Variants in NDUFAF2 observed in about 807,000 individuals in gnomAD.
NDUFAF2 encodes NADH dehydrogenase [ubiquinone] 1 alpha subcomplex assembly factor 2.
A neutral mutation model predicts 22.8 loss-of-function variants in NDUFAF2; 13 were observed. The observed-to-expected ratio is 0.57, with a 90% CI of 0.37 to 0.91. The LOEUF (loss-of-function observed/expected upper bound fraction) is 0.91. Ranked by LOEUF, NDUFAF2 falls within the 40% of genes least tolerant of loss-of-function variation. The pLI is 0.01. For missense variants in NDUFAF2, 162 were observed against 195.2 expected, an observed-to-expected ratio of 0.83 and a Z score of 1.01; for synonymous variants, 53 against 64.2, an observed-to-expected ratio of 0.83 and a Z score of 0.84.
At chr5:60,963,919 T>C (rs940992501) in intron 1 of NDUFAF2, among the ~76,000 whole-genome samples, 2 of 152,178 alleles carry the variant, frequency 1.3e-5, no homozygotes, top group African/African-American at 4.8e-5. Context: ...TAAGTGAATA[T>C]CTGGAGTAAG....
intron 1 of NDUFAF2, among the ~76,000 whole-genome samples, chr5:61,001,423 A>G (rs1414067053): frequency 6.6e-6 from 1 of 152,128 alleles, no homozygotes; most frequent in Non-Finnish European, 1.5e-5. Flanking sequence ...ACCAATGTAT[A>G]TAGACTCATA....
chr5:61,123,037 G>C (rs1002074273), intron 3 of NDUFAF2, among the ~76,000 whole-genome samples: 1 of 152,108 alleles, frequency 6.6e-6, no homozygotes, highest in Non-Finnish European at 1.5e-5. Flanking sequence ...ACATAGTCCA[G>C]GTATATTCAA....
At position 61,151,073 on chromosome 5, in the gene NDUFAF2, G is replaced by A. The variant is rs576004421; in HGVS notation, c.259-1631G>A. ...TGCACATATTTGCTTTGAGGGAGAA[G>A]TTTCATTAGATGGGCCCTTCTTCAC... On this transcript the variant is annotated intron_variant, in intron 3 of 3. Transcript: ENST00000296597. 1.9e-4 allele frequency among the ~76,000 whole-genome samples: 29 copies of A among 152,282 alleles called. 1 individual carries two copies. The highest frequency in any genetic ancestry group is 7.0e-4 in the African/African-American group (29 of 41,564).
chr5:61,013,268 C>A (rs916856304), intron 1 of NDUFAF2, among the ~76,000 whole-genome samples: 1 of 150,542 alleles, frequency 6.6e-6, no homozygotes, highest in African/African-American at 2.5e-5. Flanking sequence ...TCATTTGAAA[C>A]CCTCAAGCTT....
intron 2 of NDUFAF2, among the ~76,000 whole-genome samples, chr5:61,095,513 C>T (rs542434409): frequency 6.6e-6 from 1 of 152,280 alleles, no homozygotes; most frequent in Non-Finnish European, 1.5e-5. Flanking sequence ...CTCGATTCAG[C>T]CTTCTTCCTA....
chr5:60,947,928 C>G (rs918709072), intron 1 of NDUFAF2, among the ~76,000 whole-genome samples: 1 of 152,062 alleles, frequency 6.6e-6, no homozygotes, highest in Non-Finnish European at 1.5e-5. Flanking sequence ...CATATTCTCA[C>G]TAATTTGTAT....
intron 3 of NDUFAF2, among the ~76,000 whole-genome samples, chr5:61,104,397 T>C (rs181768570): frequency 1.3e-5 from 2 of 152,182 alleles, no homozygotes; most frequent in African/African-American, 4.8e-5. Context: ...TTATTATAGG[T>C]TTACAGGCAG....
chr5:61,123,158 C>A (rs998052388), intron 3 of NDUFAF2, among the ~76,000 whole-genome samples: 7 of 152,118 alleles, frequency 4.6e-5, no homozygotes, highest in Admixed American at 3.9e-4. Context: ...GTTTCATATT[C>A]TCCAGTATCT....
At chr5:61,092,778 G>T (rs1222684058) in intron 2 of NDUFAF2, among the ~76,000 whole-genome samples, 1 of 152,116 alleles carries the variant, frequency 6.6e-6, no homozygotes, top group Non-Finnish European at 1.5e-5. Flanking sequence ...GGGCATCCTT[G>T]TCTTGTGCCA....
intron 1 of NDUFAF2, among the ~76,000 whole-genome samples, chr5:61,030,457 G>A (rs1751709039): frequency 6.6e-6 from 1 of 152,012 alleles, no homozygotes. Context: ...AAGCTCTGCT[G>A]TCAACAACAG....
At chr5:61,008,637 G>A (rs1751404244) in intron 1 of NDUFAF2, among the ~76,000 whole-genome samples, 1 of 152,066 alleles carries the variant, frequency 6.6e-6, no homozygotes, top group Admixed American at 6.6e-5. Flanking sequence ...AAAGGGCTTG[G>A]TGTATCAGTA....
chr5:61,117,301 C>G (rs6869073), intron 3 of NDUFAF2, among the ~76,000 whole-genome samples: 95,102 of 151,998 alleles, frequency 0.63, 30,570 homozygotes, highest in East Asian at 0.94. Context: ...TGAGAAGAGG[C>G]AACTATTATT....
intron 1 of NDUFAF2, among the ~76,000 whole-genome samples, chr5:60,965,250 G>T (rs925230859): frequency 1.3e-5 from 2 of 152,008 alleles, no homozygotes; most frequent in Non-Finnish European, 2.9e-5. Flanking sequence ...CTTTATTAAG[G>T]TATAATTGAC....
At chr5:61,054,885 G>A (rs181056250) in intron 1 of NDUFAF2, among the ~76,000 whole-genome samples, 12 of 152,306 alleles carry the variant, frequency 7.9e-5, no homozygotes, top group Non-Finnish European at 1.3e-4. Flanking sequence ...AGTGGTTAGA[G>A]TTATAGATGT....
intron 1 of NDUFAF2, among the ~76,000 whole-genome samples, chr5:61,006,878 G>T (rs1025533665): frequency 1.3e-5 from 2 of 152,054 alleles, no homozygotes; most frequent in Non-Finnish European, 2.9e-5. Flanking sequence ...AATAACCAGA[G>T]CTTCCAAAAA....
intron 3 of NDUFAF2, among the ~76,000 whole-genome samples, chr5:61,151,928 A>C (rs1741246400): frequency 6.6e-6 from 1 of 152,222 alleles, no homozygotes; most frequent in East Asian, 1.9e-4. Flanking sequence ...AATATCTCTG[A>C]AACTATGTGT....
intron 1 of NDUFAF2, among the ~76,000 whole-genome samples, chr5:61,011,294 C>G (rs558236062): frequency 6.6e-6 from 1 of 152,110 alleles, no homozygotes; most frequent in African/African-American, 2.4e-5. Flanking sequence ...CCTCCAGCTT[C>G]CCTTGTAGCC....
chr5:61,068,940 T>C (rs1752262076), intron 1 of NDUFAF2, among the ~76,000 whole-genome samples: 1 of 152,150 alleles, frequency 6.6e-6, no homozygotes. Context: ...ATCTGTTTGC[T>C]AGCAAGTAAA....
At chr5:60,945,505 A>C in intron 1 of NDUFAF2, 123 bp downstream of exon 1, 8 of 1,415,480 alleles carry the variant, frequency 5.7e-6, no homozygotes, top group Non-Finnish European at 7.9e-6. Context: ...ACCGGAGAGA[A>C]TTTCCCGAGT....
Sources: allele counts gnomAD v4.1 joint callset (sites outside exome capture counted in the v4.1 genomes callset), GRCh38; gene constraint gnomAD v4.1.1; transcripts MANE v1.5; gene names NCBI Gene and HGNC (gene_info 2026-07-23, HGNC 2026-07-21).